Variants in ATXN1 observed in about 807,000 individuals in gnomAD.
ATXN1 encodes the protein ataxin-1.
In ATXN1, 8 loss-of-function variants were observed where a neutral mutation model predicts 56.4. That is an observed-to-expected ratio of 0.14 (90% CI 0.08 to 0.26). ATXN1 has a LOEUF of 0.26. Ranked by LOEUF, ATXN1 falls within the 10% of genes least tolerant of loss-of-function variation. The pLI is 1.00. For missense variants in ATXN1, 987 were observed against 1,106.5 expected (o/e 0.89, Z 1.53); for synonymous variants, 514 against 494.6 (o/e 1.04, Z -0.52).
intron 7 of ATXN1, among the ~76,000 whole-genome samples, chr6:16,318,234 AG>A (rs1760560593): frequency 2.6e-5 from 4 of 152,232 alleles, no homozygotes; most frequent in Admixed American, 2.6e-4. Context: ...CAAATTGCGA[AG>A]GGCATCTGTT....
chr6:16,590,000 T>C (rs952268886), intron 3 of ATXN1, among the ~76,000 whole-genome samples: 3 of 152,186 alleles, frequency 2.0e-5, no homozygotes, highest in Non-Finnish European at 4.4e-5. Flanking sequence ...GAAGTCTAAA[T>C]GACAGAAACT....
At chr6:16,526,261 T>G (rs140581123) in intron 4 of ATXN1, among the ~76,000 whole-genome samples, 56 of 152,012 alleles carry the variant, frequency 3.7e-4, no homozygotes, top group Non-Finnish European at 7.7e-4. Context: ...ATTTACAGAG[T>G]CTACCAAAGT....
chr6:16,369,361 A>T (rs1009454160), intron 6 of ATXN1, among the ~76,000 whole-genome samples: 2 of 152,182 alleles, frequency 1.3e-5, no homozygotes, highest in African/African-American at 4.8e-5. Context: ...CTCCACCCAC[A>T]TGGATGAATA....
At chr6:16,622,335 G>C (rs1448862580) in intron 3 of ATXN1, among the ~76,000 whole-genome samples, 2 of 152,122 alleles carry the variant, frequency 1.3e-5, no homozygotes, top group African/African-American at 2.4e-5. Context: ...AAAACCATGT[G>C]CTCTAGGAGA....
chr6:16,669,280 A>G (rs76167482), intron 2 of ATXN1, among the ~76,000 whole-genome samples: 3,670 of 152,222 alleles, frequency 0.024, 71 homozygotes, highest in South Asian at 0.071. Flanking sequence ...TGAATGGTGC[A>G]TTTCCATTTG....
At chr6:16,667,101 C>T (rs1581346986) in intron 2 of ATXN1, 1 of 152,230 alleles carries the variant, frequency 6.6e-6, no homozygotes, top group Admixed American at 6.5e-5. Flanking sequence ...CTCCTCTAAG[C>T]CCTAGAACCA....
chr6:16,730,225 C>A (rs796691457), intron 2 of ATXN1, among the ~76,000 whole-genome samples: 2 of 152,036 alleles, frequency 1.3e-5, no homozygotes, highest in South Asian at 4.1e-4. Context: ...ATTACAGTGA[C>A]GTGAGATTGT....
intron 6 of ATXN1, among the ~76,000 whole-genome samples, chr6:16,346,721 GCAGCCCTCA>G (rs60281559): frequency 0.029 from 4,476 of 152,178 alleles, 211 homozygotes; most frequent in African/African-American, 0.1. Flanking sequence ...CAGCATACTG[GCAGCCCTCA>G]CAGCCCTCAC....
intron 6 of ATXN1, among the ~76,000 whole-genome samples, chr6:16,411,555 TAA>T (rs554507156): frequency 6.8e-6 from 1 of 146,592 alleles, no homozygotes; most frequent in Admixed American, 6.8e-5. Context: ...TCTTGAAGGT[TAA>T]AAAAAAAAAA....
At chr6:16,317,770 C>G (rs545398270) in intron 7 of ATXN1, among the ~76,000 whole-genome samples, 2 of 152,236 alleles carry the variant, frequency 1.3e-5, no homozygotes, top group East Asian at 3.9e-4. Flanking sequence ...GCCAGCAAGC[C>G]CATGTGCTCA....
At chr6:16,610,702 G>A (rs530728710) in intron 3 of ATXN1, among the ~76,000 whole-genome samples, 96 of 152,204 alleles carry the variant, frequency 6.3e-4, no homozygotes, top group African/African-American at 2.0e-3. Context: ...ATAAAGAAAA[G>A]GGGTAGTTGT....
intron 3 of ATXN1, among the ~76,000 whole-genome samples, chr6:16,587,538 G>A (rs1275146434): frequency 6.6e-6 from 1 of 152,194 alleles, no homozygotes; most frequent in Non-Finnish European, 1.5e-5. Context: ...TTGTATATGT[G>A]TAGGCATTTA....
At chr6:16,653,888 C>A (rs1758133584) in intron 3 of ATXN1, among the ~76,000 whole-genome samples, 1 of 152,140 alleles carries the variant, frequency 6.6e-6, no homozygotes, top group Admixed American at 6.5e-5. Context: ...CAGACCTGGA[C>A]CCTTTGCTGT....
Position 16,327,995 on chromosome 6 carries a change from A to G in ATXN1, c.316T>C (p.Tyr106His). 1.9e-6 allele frequency: 3 copies of G among 1,613,548 alleles called. No homozygotes were observed. Among genetic ancestry groups the G allele is most frequent in the Non-Finnish European group, 2.5e-6 (3 of 1,179,762 alleles). The change falls in exon 7 of 8, where the codon TAC becomes CAC. Residue 106 changes from tyrosine (Y) to histidine (H), a missense_variant. By Grantham distance (83) the Tyr-to-His change is moderately conservative (BLOSUM62 2). Transcript: ENST00000436367. ...GGGGTCCCTGGCTGCGGGGTGGCGTACGCGGCAGGCAGCGTGGTGGCCACG... is the reference window on the plus strand; with the variant it reads ...GGGGTCCCTGGCTGCGGGGTGGCGTGCGCGGCAGGCAGCGTGGTGGCCACG... Reference protein sequence around the residue: ...VPVATTLPAAYATPQPGTPVS... With the variant: ...VPVATTLPAAHATPQPGTPVS...
rs1262475483 is a variant in ATXN1 at position 16,306,384 on chromosome 6, A to C, written c.2393T>G (p.Leu798Arg). Residue 798 changes from leucine to arginine, a missense_variant, in exon 8 of 8, where the codon CTA becomes CGA. By Grantham distance (102) the Leu-to-Arg change is moderately radical (BLOSUM62 -2). This residue lies in a region of ATXN1 where 196 missense variants were observed against 196.7 expected (regional missense o/e 1.00). Transcript: ENST00000436367. The surrounding 1 kb of genome is among the most constrained non-coding windows in gnomAD (Gnocchi z 5.2). ...EPPLTLPKPS[L>R]IPQEVKICIE... The stretch of plus-strand genomic sequence containing the variant: ...GCAAATCTTAACCTCCTGAGGAATT[A>C]GAGAAGGCTTAGGAAGAGTCAAAGG... 1 of 1,613,990 alleles carries C rather than the reference A, an allele frequency of 6.2e-7. No individual in the cohort carries two copies. Among genetic ancestry groups the C allele is most frequent in the Non-Finnish European group, 8.5e-7 (1 of 1,179,980 alleles).
chr6:16,417,441 A>ATTTTTTTTTTTTTTTTTTTTT (rs1188606545), intron 6 of ATXN1, among the ~76,000 whole-genome samples: 1 of 136,508 alleles, frequency 7.3e-6, no homozygotes, highest in Non-Finnish European at 1.6e-5. Context: ...CAAGTTTCTT[A>ATTTTTTTTTTTTTTTTTTTTT]TTTTTTTTTT....
At chr6:16,460,640 G>A (rs939339347) in intron 6 of ATXN1, among the ~76,000 whole-genome samples, 3 of 152,142 alleles carry the variant, frequency 2.0e-5, no homozygotes, top group Middle Eastern at 3.2e-3. Flanking sequence ...AGAACCAATC[G>A]AGTATGACTG....
chr6:16,333,300 T>G (rs1761033283), intron 6 of ATXN1, among the ~76,000 whole-genome samples: 1 of 152,216 alleles, frequency 6.6e-6, no homozygotes, highest in African/African-American at 2.4e-5. Context: ...AAATGAAATT[T>G]AACAAAGGAA....
chr6:16,359,349 C>T (rs1009038697), intron 6 of ATXN1, among the ~76,000 whole-genome samples: 5 of 152,164 alleles, frequency 3.3e-5, no homozygotes, highest in Non-Finnish European at 5.9e-5. Context: ...ACTTCCTCCC[C>T]TCTGAGGTCC....
Sources: allele counts gnomAD v4.1 joint callset (sites outside exome capture counted in the v4.1 genomes callset), GRCh38; gene constraint gnomAD v4.1.1; regional missense constraint gnomAD v4.1.1; non-coding constraint Gnocchi (gnomAD v3.1); transcripts MANE v1.5; gene names NCBI Gene and HGNC (gene_info 2026-07-23, HGNC 2026-07-21).